Variants in RYR3 observed in about 807,000 individuals in gnomAD.
The protein encoded by RYR3 is ryanodine receptor 3.
RYR3 carries 207 observed loss-of-function variants against 584.3 expected under a neutral mutation model. The observed-to-expected ratio is 0.35, with a 90% confidence interval of 0.32 to 0.40. The LOEUF is 0.40. RYR3 is among the 10% of genes least tolerant of loss of function. RYR3 has a pLI of 1.00. For missense variants in RYR3, 5,616 were observed against 6,089.2 expected (o/e 0.92, Z 2.59); for synonymous variants, 2,416 against 2,248.5 (o/e 1.07, Z -2.11).
At chr15:33,368,474 T>C (rs1975829174) in intron 1 of RYR3, among the ~76,000 whole-genome samples, 1 of 151,222 alleles carries the variant, frequency 6.6e-6, no homozygotes, top group African/African-American at 2.4e-5. Flanking sequence ...GCCCCCACAT[T>C]AGTCTGTGTG....
At chr15:33,744,594 G>C (rs1014548867) in intron 52 of RYR3, among the ~76,000 whole-genome samples, 2 of 152,134 alleles carry the variant, frequency 1.3e-5, no homozygotes, top group Non-Finnish European at 2.9e-5. Context: ...CCAGTACCGG[G>C]GGTCCAGGGA....
intron 38 of RYR3, among the ~76,000 whole-genome samples, chr15:33,671,932 G>A (rs1216389571): frequency 6.8e-6 from 1 of 146,790 alleles, no homozygotes; most frequent in African/African-American, 2.5e-5. Flanking sequence ...TCCTGCCTCA[G>A]CCTCCCAAAT....
intron 8 of RYR3, among the ~76,000 whole-genome samples, chr15:33,547,154 GCTTTGTTAATCA>G (rs1225071439): frequency 1.3e-5 from 2 of 152,116 alleles, no homozygotes; most frequent in Non-Finnish European, 2.9e-5. Context: ...AAAAACTGAG[GCTTTGTTAATCA>G]CTGGAAAAAC....
At chr15:33,699,033 T>A (rs1304614921) in intron 40 of RYR3, among the ~76,000 whole-genome samples, 1 of 152,168 alleles carries the variant, frequency 6.6e-6, no homozygotes, top group Non-Finnish European at 1.5e-5. Flanking sequence ...CATGCTAGAC[T>A]GCATGAATCA....
chr15:33,513,699 G>C (rs2053240519), intron 3 of RYR3, among the ~76,000 whole-genome samples: 2 of 152,148 alleles, frequency 1.3e-5, no homozygotes, highest in African/African-American at 4.8e-5. Flanking sequence ...TGTTGCTCTG[G>C]TGTGAGGGAG....
intron 11 of RYR3, among the ~76,000 whole-genome samples, chr15:33,563,435 C>G (rs11637818): frequency 1.3e-5 from 2 of 152,082 alleles, no homozygotes; most frequent in East Asian, 1.9e-4. Flanking sequence ...CAGGAACCCA[C>G]TGGCAGAAAG....
In RYR3 at chr15:33,584,359, T is replaced by C. The variant is rs762610598; in HGVS notation, c.1574-36T>C. On this transcript the variant is annotated intron_variant, in intron 14 of 103. Transcript: ENST00000634891. ...AGTTCTCACGCCCATCATTATATCCTTTAACCTCTATGATCAAACATCTCC... is the reference window on the plus strand; with the variant it reads ...AGTTCTCACGCCCATCATTATATCCCTTAACCTCTATGATCAAACATCTCC... 41 of 1,206,232 alleles carry C rather than the reference T, an allele frequency of 3.4e-5. No individual in the cohort carries two copies. In the South Asian group the frequency reaches 5.3e-4, roughly 16 times the overall value. The allele number at this position is 1,206,232 out of a possible 1,614,324, so 74.7% of individuals were successfully genotyped here.
chr15:33,594,491 A>G (rs8035302), intron 16 of RYR3, among the ~76,000 whole-genome samples: 52,008 of 152,138 alleles, frequency 0.34, 9,790 homozygotes, highest in East Asian at 0.75. Flanking sequence ...AAAACAAAGT[A>G]TCAGCAACAT....
intron 1 of RYR3, among the ~76,000 whole-genome samples, chr15:33,468,180 T>C (rs892782): frequency 6.6e-6 from 1 of 151,992 alleles, no homozygotes; most frequent in Admixed American, 6.5e-5. Context: ...TTATCAAATA[T>C]AGAGCATATT....
chr15:33,554,108 T>A (rs1374586063), intron 10 of RYR3, among the ~76,000 whole-genome samples: 2 of 152,112 alleles, frequency 1.3e-5, no homozygotes, highest in Non-Finnish European at 2.9e-5. Flanking sequence ...CATGCATTAT[T>A]AAGGCCATCA....
intron 2 of RYR3, among the ~76,000 whole-genome samples, chr15:33,474,821 C>A (rs1182514264): frequency 6.6e-6 from 1 of 152,186 alleles, no homozygotes; most frequent in East Asian, 1.9e-4. Context: ...ATCTGTAACA[C>A]CAGATGTCCA....
chr15:33,644,226 C>G (rs1333658166), intron 27 of RYR3, 85 bp from the exon 28 acceptor site: 3 of 1,043,120 alleles, frequency 2.9e-6, no homozygotes, highest in East Asian at 5.2e-5. Flanking sequence ...AGTCAAAGCC[C>G]TTAAGGAAGC....
chr15:33,691,927 G>A (rs917043742), intron 38 of RYR3, among the ~76,000 whole-genome samples: 1 of 152,148 alleles, frequency 6.6e-6, no homozygotes, highest in Non-Finnish European at 1.5e-5. Flanking sequence ...TTATCAACAC[G>A]ATGAAAAAGG....
chr15:33,787,914 A>G (rs1318880661), intron 66 of RYR3, among the ~76,000 whole-genome samples: 1 of 152,262 alleles, frequency 6.6e-6, no homozygotes, highest in East Asian at 1.9e-4. Flanking sequence ...ATAGTCTGTC[A>G]CGAAGAGCTA....
At chr15:33,841,791 TTAATC>T in intron 90 of RYR3, 68 bp from the exon 91 acceptor site, 2 of 1,463,748 alleles carry the variant, frequency 1.4e-6, no homozygotes, top group Admixed American at 2.3e-5. Context: ...AGATTTCTCT[TTAATC>T]TAGTCTCCCT....
chr15:33,674,160 C>T (rs2064015891), intron 38 of RYR3, among the ~76,000 whole-genome samples: 1 of 152,228 alleles, frequency 6.6e-6, no homozygotes, highest in Admixed American at 6.5e-5. Flanking sequence ...AATTCTCTCC[C>T]AGCTAAATGC....
chr15:33,426,810 T>C (rs2044688856), intron 1 of RYR3, among the ~76,000 whole-genome samples: 1 of 152,164 alleles, frequency 6.6e-6, no homozygotes, highest in African/African-American at 2.4e-5. Context: ...TTCTGGAGTC[T>C]GGAAGTGTGG....
rs898407947 is a variant in RYR3, at chr15:33,412,238, T to C, written c.52-61181T>C. Among the ~76,000 whole-genome samples, 4 of 152,160 alleles carry C rather than the reference T, an allele frequency of 2.6e-5. No homozygotes were observed. Among genetic ancestry groups the C allele is most frequent in the African/African-American group, 9.7e-5 (4 of 41,436 alleles). ...AATTTCTGGTGAAGCCATGCAGCTT[T>C]TCAATTTAGTAACCCCTTTGGCTTG... On this transcript the variant is annotated intron_variant, in intron 1 of 103. Transcript: ENST00000634891. This position sits in a 1 kb window ranked among gnomAD's most constrained non-coding sequence, Gnocchi z 4.3.
rs1271928970 is a variant in RYR3, at chr15:33,539,405, G to A, written c.489G>A (p.Glu163=). The change falls in exon 6 of 104, where the codon GAG becomes GAA. Residue 163 remains glutamate (E), a synonymous_variant. Transcript: ENST00000634891. ...CTTCCAAACAGAGGTCCGAAGGAGAGAAAGTTCGAATTGGCGATGACCTCA... is the reference window on the plus strand; with the variant it reads ...CTTCCAAACAGAGGTCCGAAGGAGAAAAAGTTCGAATTGGCGATGACCTCA... The part of the protein sequence containing the change: ...HPASKQRSEG[E]KVRIGDDLIL... The A allele has an allele frequency of 1.2e-6, 2 of 1,603,756 alleles. No homozygotes were observed. Among genetic ancestry groups the A allele is most frequent in the Non-Finnish European group, 1.7e-6 (2 of 1,174,870 alleles).
Sources: gnomAD v4.1 joint callset for allele counts (sites outside exome capture counted in the v4.1 genomes callset) on GRCh38, gnomAD v4.1.1 for gene constraint, Gnocchi (gnomAD v3.1) non-coding constraint, MANE v1.5 for transcripts, NCBI Gene and HGNC (gene_info 2026-07-23, HGNC 2026-07-21) for gene names.